Variants in SDK1 observed in about 807,000 individuals in gnomAD.
SDK1 encodes sidekick cell adhesion molecule 1.
A neutral mutation model predicts 245.5 loss-of-function variants in SDK1; 157 were observed. The ratio of observed to expected loss-of-function variants is 0.64; its 90% confidence interval spans 0.56 to 0.73. The LOEUF (loss-of-function observed/expected upper bound fraction) is 0.73. Among genes scored for constraint, SDK1 ranks in the 30% least tolerant of loss-of-function variants. The pLI is 0.00. For synonymous variants in SDK1, 1,647 were observed against 1,278.5 expected (o/e 1.29, Z -6.15); for missense variants, 3,583 against 3,002.3 (o/e 1.19, Z -4.52).
chr7:4,205,833 C>G, intron 35 of SDK1, 46 bp from the exon 36 acceptor site: 2 of 1,472,164 alleles, frequency 1.4e-6, no homozygotes, highest in Non-Finnish European at 9.3e-7. Context: ...TCCGGGCCGG[C>G]TCTGAATGAA....
At chr7:3,351,710 A>C (rs982107375) in intron 1 of SDK1, among the ~76,000 whole-genome samples, 1 of 152,214 alleles carries the variant, frequency 6.6e-6, no homozygotes, top group African/African-American at 2.4e-5. Flanking sequence ...CAGTGGTAAA[A>C]GGTTCAGTTC....
intron 4 of SDK1, among the ~76,000 whole-genome samples, chr7:3,782,531 C>G (rs1385563865): frequency 6.6e-6 from 1 of 152,058 alleles, no homozygotes; most frequent in African/African-American, 2.4e-5. Flanking sequence ...ATACAATTAT[C>G]AAAAATCAAA....
chr7:3,539,295 G>T (rs1778985875), intron 1 of SDK1, among the ~76,000 whole-genome samples: 1 of 152,044 alleles, frequency 6.6e-6, no homozygotes, highest in Admixed American at 6.5e-5. Flanking sequence ...AAACTAGATA[G>T]AGAGAGTTGG....
rs573179912 is a variant in SDK1, at chr7:3,948,382, C to T, written c.848-2541C>T. Among the ~76,000 whole-genome samples, 181 of 151,844 alleles carry T rather than the reference C, an allele frequency of 1.2e-3. 1 individual carries two copies. The highest frequency in any genetic ancestry group is 3.7e-3 in the African/African-American group (155 of 41,406). ...CAGCGATTCTCCTGCCTCAGTCTCC[C>T]GAGTAGCTGGGACTACAAGCATGTG... is the stretch of plus-strand genomic sequence containing the variant. On this transcript the variant is annotated intron_variant, in intron 5 of 44. Transcript: ENST00000404826.
At chr7:3,918,242 G>A (rs1176800127) in intron 5 of SDK1, among the ~76,000 whole-genome samples, 1 of 152,174 alleles carries the variant, frequency 6.6e-6, no homozygotes, top group Non-Finnish European at 1.5e-5. Context: ...ACTGGTATCG[G>A]TCCATGGCCT....
intron 35 of SDK1, among the ~76,000 whole-genome samples, chr7:4,201,241 C>T (rs566466436): frequency 1.3e-5 from 2 of 152,312 alleles, no homozygotes; most frequent in East Asian, 3.9e-4. Flanking sequence ...CTTTAAACCT[C>T]CTGATTCATT....
At chr7:3,656,687 C>G (rs187760236) in intron 4 of SDK1, among the ~76,000 whole-genome samples, 5 of 151,954 alleles carry the variant, frequency 3.3e-5, no homozygotes, top group Admixed American at 6.5e-5. Context: ...AACTCTCTCT[C>G]ATGACAAGCC....
intron 19 of SDK1, among the ~76,000 whole-genome samples, chr7:4,064,451 C>G (rs1424937793): frequency 6.6e-6 from 1 of 152,134 alleles, no homozygotes; most frequent in Non-Finnish European, 1.5e-5. Flanking sequence ...ACAGGGAACT[C>G]TAATACACTG....
At position 3,920,658 on chromosome 7, in the gene SDK1, G is replaced by T. The variant is rs114276449; in HGVS notation, c.848-30265G>T. Among the ~76,000 whole-genome samples, 1,010 of 152,276 alleles carry T rather than the reference G, an allele frequency of 6.6e-3. 11 individuals are homozygous for T. Among genetic ancestry groups the T allele is most frequent in the African/African-American group, 0.022 (923 of 41,558 alleles). On this transcript the variant is annotated intron_variant, in intron 5 of 44. Transcript: ENST00000404826. ...AGGCAAGGCGGCACTTAAACTGCAA[G>T]CTGGGGCTGCAGGTGGAGATTCGGG... is the stretch of plus-strand genomic sequence containing the variant.
In SDK1 at chr7:4,245,701, G is replaced by C. The variant is rs201495708; in HGVS notation, c.6277G>C (p.Gly2093Arg). The part of the protein sequence containing the change: ...TRSPPRPSPG[G>R]LHYSDEDICN... ...GTCCCCACCCCGGCCTAGCCCCGGC[G>C]GCCTGCACTACTCAGACGAGGACAT... The change falls in exon 44 of 45, where the codon GGC (glycine) becomes CGC (arginine). Residue 2093 changes from glycine (G) to arginine (R), a missense_variant. By Grantham distance (125) the Gly-to-Arg change is moderately radical (BLOSUM62 -2). Coordinates refer to ENST00000404826, the MANE Select transcript of SDK1 (RefSeq NM_152744.4). 6.2e-7 allele frequency: 1 copy of C among 1,614,020 alleles called. No homozygotes were observed. Among genetic ancestry groups the C allele is most frequent in the Admixed American group, 1.7e-5 (1 of 60,010 alleles).
chr7:3,805,253 T>A (rs1005419584), intron 4 of SDK1, among the ~76,000 whole-genome samples: 1 of 152,220 alleles, frequency 6.6e-6, no homozygotes, highest in Non-Finnish European at 1.5e-5. Context: ...TATTTATTAC[T>A]TCAGTGAGTG....
chr7:3,453,160 A>G (rs1051484119), intron 1 of SDK1, among the ~76,000 whole-genome samples: 1 of 151,910 alleles, frequency 6.6e-6, no homozygotes. Context: ...TCTTTCCCTC[A>G]CCAACTTGTG....
chr7:3,800,317 C>G lies in SDK1; in HGVS notation c.714-21133C>G, dbSNP rs547111129. Among the ~76,000 whole-genome samples the G allele has an allele frequency of 9.9e-5, 15 of 152,234 alleles. No homozygotes were observed. The South Asian group carries it at 3.1e-3, about 32-fold the overall frequency. ...TCATTGGTGAGCATTTCTACCCTGACTGATGTGTGCTCAGCTACACTAATC... is the reference window on the plus strand; with the variant it reads ...TCATTGGTGAGCATTTCTACCCTGAGTGATGTGTGCTCAGCTACACTAATC... On this transcript the variant is annotated intron_variant, in intron 4 of 44. Transcript: ENST00000404826.
At position 3,593,097 on chromosome 7, in the gene SDK1, T is replaced by C. The variant is rs73673632; in HGVS notation, c.299-25983T>C. Among the ~76,000 whole-genome samples, 1,097 of 152,320 alleles carry C rather than the reference T, an allele frequency of 7.2e-3. 15 individuals are homozygous for C. The highest frequency in any genetic ancestry group is 0.025 in the African/African-American group (1,060 of 41,576). ...CTCTGTCCTGCTAATGGGGAACATA[T>C]TTAACTTGGTGCAGTATCTGCAGTA... On this transcript the variant is annotated intron_variant, in intron 1 of 44. Coordinates refer to ENST00000404826, the MANE Select transcript of SDK1 (RefSeq NM_152744.4).
chr7:3,445,238 G>T (rs1583867858), intron 1 of SDK1, among the ~76,000 whole-genome samples: 2 of 152,096 alleles, frequency 1.3e-5, no homozygotes, highest in African/African-American at 4.8e-5. Context: ...TTGGGTTTCA[G>T]CTGATAAAAC....
chr7:3,689,094 T>C (rs1475564205), intron 4 of SDK1, among the ~76,000 whole-genome samples: 4 of 152,200 alleles, frequency 2.6e-5, no homozygotes, highest in Non-Finnish European at 4.4e-5. Flanking sequence ...CAGTTCTACA[T>C]GTGGAGTTGA....
intron 1 of SDK1, among the ~76,000 whole-genome samples, chr7:3,508,832 T>C (rs945440667): frequency 1.3e-5 from 2 of 152,196 alleles, no homozygotes; most frequent in African/African-American, 4.8e-5. Context: ...ATGGCTGCTA[T>C]CAGTAGGTGC....
intron 1 of SDK1, among the ~76,000 whole-genome samples, chr7:3,327,901 T>C (rs1022328700): frequency 1.3e-5 from 2 of 152,152 alleles, no homozygotes; most frequent in African/African-American, 2.4e-5. Flanking sequence ...TGTATACCTA[T>C]AGTTGTCGTT....
chr7:3,970,051 C>G (rs1002273505), intron 11 of SDK1, among the ~76,000 whole-genome samples: 2 of 152,174 alleles, frequency 1.3e-5, no homozygotes, highest in African/African-American at 4.8e-5. Flanking sequence ...AAGGATTGGA[C>G]CAAATGGTCC....
Sources: allele counts gnomAD v4.1 joint callset (sites outside exome capture counted in the v4.1 genomes callset), GRCh38; gene constraint gnomAD v4.1.1; transcripts MANE v1.5; gene names NCBI Gene and HGNC (gene_info 2026-07-23, HGNC 2026-07-21).